CEP85L: variants seen among roughly 807,000 people sequenced by gnomAD.
CEP85L encodes the protein centrosomal protein 85L.
A neutral mutation model predicts 100.3 loss-of-function variants in CEP85L; 60 were observed. That is an observed-to-expected ratio of 0.60 (90% CI 0.49 to 0.74). The LOEUF is 0.74. CEP85L is among the 30% of genes least tolerant of loss of function. CEP85L has a pLI of 0.00. For synonymous variants in CEP85L, 319 were observed against 322.7 expected, an observed-to-expected ratio of 0.99 and a Z score of 0.12; for missense variants, 973 against 936.2, an observed-to-expected ratio of 1.04 and a Z score of -0.51.
At chr6:118,564,183 T>A (rs1353031877) in intron 3 of CEP85L, among the ~76,000 whole-genome samples, 1 of 152,124 alleles carries the variant, frequency 6.6e-6, no homozygotes, top group East Asian at 1.9e-4. Context: ...CAGAGATTTG[T>A]CCAAGCAGAA....
Position 118,477,772 on chromosome 6 carries a change from GAAGA to G in CEP85L, c.1914+2095_1914+2098del, listed in dbSNP as rs1773493032. On this transcript the variant is annotated intron_variant, in intron 10 of 12. Coordinates refer to ENST00000368491, the MANE Select transcript of CEP85L (RefSeq NM_001042475.3). The stretch of plus-strand genomic sequence containing the variant: ...AATGGAAAAACCAAGCACTGTGGAG[GAAGA>G]AAGAATATCCCAACTATAGCGTCAG... Among the ~76,000 whole-genome samples the G allele has an allele frequency of 2.0e-5, 3 of 152,126 alleles. No homozygotes were observed. In the South Asian group the frequency reaches 6.2e-4, roughly 32 times the overall value.
In CEP85L at chr6:118,611,409, A is replaced by C. The variant is rs9918302; in HGVS notation, c.232+21044T>G. ...GAGAGACACTGAAAAACACAGATGA[A>C]TCCAAATGGAATTCTAAAAATGTTC... On this transcript the variant is annotated intron_variant, in intron 2 of 12. Transcript: ENST00000368491. Among the ~76,000 whole-genome samples the C allele has an allele frequency of 9.7e-3, 1,472 of 152,328 alleles. 27 individuals are homozygous for C. Among genetic ancestry groups the C allele is most frequent in the African/African-American group, 0.034 (1,422 of 41,584 alleles).
intron 3 of CEP85L, among the ~76,000 whole-genome samples, chr6:118,530,212 TAAGA>T (rs1224493616): frequency 6.6e-6 from 1 of 152,046 alleles, no homozygotes; most frequent in Admixed American, 6.6e-5. Flanking sequence ...AGCACACCTC[TAAGA>T]AAGACACCAT....
upstream of CEP85L, among the ~76,000 whole-genome samples, chr6:118,655,763 G>A (rs1775766518): frequency 6.6e-6 from 1 of 152,202 alleles, no homozygotes; most frequent in African/African-American, 2.4e-5. Context: ...GTGTACAGCT[G>A]GCAGTGTTAT....
rs187097670 is a variant in CEP85L, at chr6:118,522,802, C to G, written c.1139+1000G>C. Among the ~76,000 whole-genome samples, 287 of 151,602 alleles carry G rather than the reference C, an allele frequency of 1.9e-3. 1 individual carries two copies. Among genetic ancestry groups the G allele is most frequent in the African/African-American group, 6.7e-3 (275 of 41,274 alleles). On this transcript the variant is annotated intron_variant, in intron 4 of 12. Transcript: ENST00000368491. ...GCTGACGCACAAGAATCACTTGAGC[C>G]TGGGAGGTGAAGGTTACAGTGAGCT...
chr6:118,700,702 A>T (rs184939192), intron 1 of CEP85L, among the ~76,000 whole-genome samples: 2 of 152,324 alleles, frequency 1.3e-5, no homozygotes, highest in Admixed American at 1.3e-4. Context: ...GGATGTGAGG[A>T]GAAGTGACTT....
intron 1 of CEP85L, chr6:118,647,247 C>A (rs984442825): frequency 5.7e-6 from 1 of 176,280 alleles, no homozygotes; most frequent in African/African-American, 2.4e-5. Flanking sequence ...AAGCTCAAAG[C>A]AATGAACAAA....
intron 2 of CEP85L, among the ~76,000 whole-genome samples, chr6:118,566,679 A>C (rs1053559027): frequency 6.6e-5 from 10 of 152,210 alleles, no homozygotes; most frequent in African/African-American, 2.4e-4. Context: ...TCAGCCTCCC[A>C]AAGTGCTGGG....
At position 118,528,825 on chromosome 6, in the gene CEP85L, T is replaced by TA. The variant is rs1411587602; in HGVS notation, c.1021-4906dup. ...TGAAGTACCTAGCAAAATTCAAGAA[T>TA]AAAAAAATCATATTGTGAAGTCTCA... On this transcript the variant is annotated intron_variant, in intron 3 of 12. Coordinates refer to ENST00000368491, the MANE Select transcript of CEP85L (RefSeq NM_001042475.3). Among the ~76,000 whole-genome samples, 3 of 152,212 alleles carry TA rather than the reference T, an allele frequency of 2.0e-5. No individual in the cohort carries two copies. The East Asian group carries it at 5.8e-4, about 29-fold the overall frequency.
intron 1 of CEP85L, among the ~76,000 whole-genome samples, chr6:118,706,305 T>C (rs1163982218): frequency 6.6e-6 from 1 of 152,200 alleles, no homozygotes; most frequent in African/African-American, 2.4e-5. Context: ...ATCACTATCC[T>C]GAAATGCAGA....
chr6:118,709,482 T>C (rs1399034763), intron 1 of CEP85L, among the ~76,000 whole-genome samples: 3 of 149,080 alleles, frequency 2.0e-5, no homozygotes, highest in African/African-American at 7.5e-5. Context: ...CTAGAGCTCC[T>C]CTCCCCTCCC....
rs73526173 is a variant in CEP85L at position 118,558,532 on chromosome 6, T to C, written c.1020+6997A>G. Among the ~76,000 whole-genome samples the C allele has an allele frequency of 0.011, 1,687 of 151,760 alleles. 42 individuals are homozygous for C. Among genetic ancestry groups the C allele is most frequent in the African/African-American group, 0.039 (1,605 of 41,342 alleles). ...AAATTTGGGAGAAAAAGGCAAGGAC[T>C]AAAGTTACTACTCCTAACACAAATG... On this transcript the variant is annotated intron_variant, in intron 3 of 12. Transcript: ENST00000368491.
At position 118,523,869 on chromosome 6, in the gene CEP85L, T is replaced by G; in HGVS notation, c.1072A>C (p.Ser358Arg). The change falls in exon 4 of 13, where the codon AGT (serine) becomes CGT (arginine). Residue 358 changes from serine to arginine, a missense_variant. By Grantham distance (110) the Ser-to-Arg change is moderately radical. Coordinates refer to ENST00000368491, the MANE Select transcript of CEP85L (RefSeq NM_001042475.3). ...ATTTTCAACATTGATTCCCACTTAC[T>G]GAAATCCTGATAGCCAGGTGAATAA... ...QSYSPGYQDFSKWESMLKIKE... is the reference protein window; with the variant it reads ...QSYSPGYQDFRKWESMLKIKE... 6.2e-7 allele frequency: 1 copy of G among 1,609,842 alleles called. No individual in the cohort carries two copies. The highest frequency in any genetic ancestry group is 8.5e-7 in the Non-Finnish European group (1 of 1,176,888).
rs555720881 is a variant in CEP85L at position 118,489,926 on chromosome 6, T to TAC, written c.1437+1758_1437+1759dup. ...GTGAATGAGCAACATAAATGTTATA[T>TAC]ACACACACACACACATATATACACA... On this transcript the variant is annotated intron_variant, in intron 6 of 12. Transcript: ENST00000368491. 4.1e-3 allele frequency among the ~76,000 whole-genome samples: 616 copies of TAC among 151,534 alleles called. 2 individuals carry two copies. Among genetic ancestry groups the TAC allele is most frequent in the African/African-American group, 0.013 (521 of 41,342 alleles).
At chr6:118,624,538 G>C (rs1773658761) in intron 2 of CEP85L, among the ~76,000 whole-genome samples, 2 of 151,992 alleles carry the variant, frequency 1.3e-5, no homozygotes, top group South Asian at 4.1e-4. Context: ...TGCTTCTCTA[G>C]TGCATACTCT....
chr6:118,596,445 G>A (rs1204901258), intron 2 of CEP85L, among the ~76,000 whole-genome samples: 1 of 152,024 alleles, frequency 6.6e-6, no homozygotes, highest in Non-Finnish European at 1.5e-5. Context: ...GACTTGGTAA[G>A]CACACTTACC....
Position 118,465,426 on chromosome 6 carries a change from T to G in CEP85L, c.2397A>C (p.Gly799=). Residue 799 remains glycine (G), a synonymous_variant, in exon 13 of 13, where the codon GGA becomes GGC. Transcript: ENST00000368491. ...TISDRYAQDM[G]DNCITQ Reference sequence around the variant, plus strand: ...TTGATCACTGAGTAATGCAGTTGTCTCCCATGTCCTGAGCATAGCGGTCTG... The same window carrying G: ...TTGATCACTGAGTAATGCAGTTGTCGCCCATGTCCTGAGCATAGCGGTCTG... 6.2e-7 allele frequency: 1 copy of G among 1,613,136 alleles called. No homozygotes were observed. The highest frequency in any genetic ancestry group is 8.5e-7 in the Non-Finnish European group (1 of 1,179,398).
rs575652452 is a variant in CEP85L, at chr6:118,546,125, A to AT, written c.1020+19403_1020+19404insA. Among the ~76,000 whole-genome samples, 303 of 152,276 alleles carry AT rather than the reference A, an allele frequency of 2.0e-3. 1 individual carries two copies. Among genetic ancestry groups the AT allele is most frequent in the African/African-American group, 6.9e-3 (287 of 41,554 alleles). The stretch of plus-strand genomic sequence containing the variant: ...TTAAAAACAATGTTCAGTTAAAACT[A>AT]AAATCTAATACTTCCTAGAGTTCCA... On this transcript the variant is annotated intron_variant, in intron 3 of 12. Transcript: ENST00000368491.
Position 118,491,726 on chromosome 6 carries a change from A to G in CEP85L, c.1397T>C (p.Leu466Pro). 1 of 1,613,082 alleles carries G rather than the reference A, an allele frequency of 6.2e-7. No individual in the cohort carries two copies. Among genetic ancestry groups the G allele is most frequent in the South Asian group, 1.1e-5 (1 of 90,864 alleles). The change falls in exon 6 of 13, where the codon CTA becomes CCA. Residue 466 changes from leucine (L) to proline (P), a missense_variant. Physicochemically the swap from Leu to Pro is moderately conservative, Grantham distance 98 (BLOSUM62 -3). Around this residue, in one of 3 missense-constraint regions of CEP85L, gnomAD observed 890 missense variants for 844.5 expected, o/e 1.05. Transcript: ENST00000368491. ...LQLNEFLKQR[L>P]SLFSEEKKKL... The stretch of plus-strand genomic sequence containing the variant: ...CTTCTTCTCTTCACTAAATAGGCTT[A>G]GTCTTTGTTTGAGAAACTCATTAAG...
Sources: allele counts gnomAD v4.1 joint callset (sites outside exome capture counted in the v4.1 genomes callset), GRCh38; gene constraint gnomAD v4.1.1; regional missense constraint gnomAD v4.1.1; transcripts MANE v1.5; gene names NCBI Gene and HGNC (gene_info 2026-07-23, HGNC 2026-07-21).